The following SLIT3 variants were observed in gnomAD, a reference collection of about 807,000 sequenced individuals.
SLIT3 encodes slit homolog 3 protein.
SLIT3 carries 68 observed loss-of-function variants against 184.0 expected under a neutral mutation model. The observed-to-expected ratio is 0.37, with a 90% CI of 0.30 to 0.45. The LOEUF (loss-of-function observed/expected upper bound fraction) is 0.45. SLIT3 is among the 20% of genes least tolerant of loss of function. The probability of loss-of-function intolerance (pLI) is 1.00; values close to 1 mark genes in which losing one functional copy is unlikely to be tolerated. For synonymous variants in SLIT3, 831 were observed against 828.6 expected (o/e 1.00, Z -0.05); for missense variants, 1,707 against 2,026.0 (o/e 0.84, Z 3.02).
chr5:169,009,376 G>A (rs931068344), intron 4 of SLIT3, among the ~76,000 whole-genome samples: 2 of 152,192 alleles, frequency 1.3e-5, no homozygotes, highest in East Asian at 3.9e-4. Context: ...AGTGAGAAAT[G>A]ATGCCAAATG....
At chr5:169,056,357 CCA>C (rs1206104213) in intron 4 of SLIT3, among the ~76,000 whole-genome samples, 1 of 152,122 alleles carries the variant, frequency 6.6e-6, no homozygotes. Flanking sequence ...AATTATTATG[CCA>C]GTTTTTGTTC....
At chr5:169,217,153 CTT>C (rs1764466396) in intron 3 of SLIT3, among the ~76,000 whole-genome samples, 1 of 134,246 alleles carries the variant, frequency 7.4e-6, no homozygotes, top group Non-Finnish European at 1.6e-5. Context: ...AAAAAAAAAA[CTT>C]AGACTTTCTA....
At chr5:168,975,462 C>A (rs113696091) in intron 4 of SLIT3, among the ~76,000 whole-genome samples, 2 of 152,032 alleles carry the variant, frequency 1.3e-5, no homozygotes, top group African/African-American at 4.8e-5. Flanking sequence ...GACACCCCCC[C>A]ACACACACAG....
At chr5:169,230,314 C>CT (rs112182298) in intron 3 of SLIT3, among the ~76,000 whole-genome samples, 12,901 of 152,156 alleles carry the variant, frequency 0.085, 656 homozygotes, top group South Asian at 0.12. Flanking sequence ...CAGGTTTATC[C>CT]TAACTCTAAA....
chr5:168,826,624 G>A (rs1264559165), intron 6 of SLIT3, among the ~76,000 whole-genome samples: 2 of 152,164 alleles, frequency 1.3e-5, no homozygotes, highest in Admixed American at 6.5e-5. Flanking sequence ...TTCCTCCTTT[G>A]TAACATGGAG....
At chr5:169,117,078 G>GC (rs1278791056) in intron 4 of SLIT3, among the ~76,000 whole-genome samples, 1 of 152,200 alleles carries the variant, frequency 6.6e-6, no homozygotes, top group Non-Finnish European at 1.5e-5. Flanking sequence ...GTCAGAGGCT[G>GC]CCCCAAGTCT....
intron 1 of SLIT3, among the ~76,000 whole-genome samples, chr5:169,259,302 A>T (rs1766082691): frequency 6.6e-6 from 1 of 152,160 alleles, no homozygotes; most frequent in African/African-American, 2.4e-5. Context: ...CAGGTGATCC[A>T]ACCGCCTCAG....
At chr5:168,948,057 G>A (rs1762540750) in intron 4 of SLIT3, among the ~76,000 whole-genome samples, 1 of 152,130 alleles carries the variant, frequency 6.6e-6, no homozygotes, top group Admixed American at 6.5e-5. Flanking sequence ...CTCCCAAAGT[G>A]CTGGGATTAC....
intron 4 of SLIT3, among the ~76,000 whole-genome samples, chr5:169,035,649 A>G (rs1305411833): frequency 7.7e-5 from 8 of 103,782 alleles, no homozygotes; most frequent in Admixed American, 1.1e-4. Context: ...TGCATCTGGA[A>G]AAAAAAAAAA....
At chr5:169,187,555 C>CT (rs796812191) in intron 4 of SLIT3, among the ~76,000 whole-genome samples, 10,496 of 88,028 alleles carry the variant, frequency 0.12, 654 homozygotes, top group East Asian at 0.35. Context: ...TTCTTTCTTT[C>CT]TTTCTTTTTT....
intron 5 of SLIT3, among the ~76,000 whole-genome samples, chr5:168,853,395 G>A (rs1758743197): frequency 6.6e-6 from 1 of 152,108 alleles, no homozygotes; most frequent in African/African-American, 2.4e-5. Context: ...ATCAAGTAAT[G>A]TACCACCTAA....
chr5:168,735,307 A>G (rs1259959676), intron 20 of SLIT3, among the ~76,000 whole-genome samples: 1 of 152,052 alleles, frequency 6.6e-6, no homozygotes, highest in Non-Finnish European at 1.5e-5. Flanking sequence ...CCCACAAAGA[A>G]CTCAAACCAG....
intron 4 of SLIT3, among the ~76,000 whole-genome samples, chr5:169,073,991 C>A (rs763060800): frequency 6.6e-6 from 1 of 152,154 alleles, no homozygotes; most frequent in Non-Finnish European, 1.5e-5. Flanking sequence ...TTTTATCAAT[C>A]AGACAGAATA....
In SLIT3 at chr5:168,700,587, C is replaced by T. The variant is rs913814422; in HGVS notation, c.2937G>A (p.Gly979=). ...GGCCAGGGGTGAACTGTTACCTGAA[C>T]CCATCCTTGTGGCTGTCACTCAGGT... ...TCHLSDSHKD[G]FSCSCPLGFE... Residue 979 remains glycine (G), a synonymous_variant, in exon 27 of 36, where the codon GGG becomes GGA. Coordinates refer to ENST00000519560, the MANE Select transcript of SLIT3 (RefSeq NM_003062.4). The T allele has an allele frequency of 6.2e-7, 1 of 1,613,106 alleles. No individual in the cohort carries two copies. Among genetic ancestry groups the T allele is most frequent in the Non-Finnish European group, 8.5e-7 (1 of 1,179,086 alleles).
At chr5:168,967,326 TTTC>T (rs1461813975) in intron 4 of SLIT3, among the ~76,000 whole-genome samples, 2 of 151,908 alleles carry the variant, frequency 1.3e-5, no homozygotes, top group Non-Finnish European at 2.9e-5. Context: ...TTAAATTATT[TTTC>T]TTTTTTGGCT....
chr5:169,164,799 C>A (rs1762583150), intron 4 of SLIT3, among the ~76,000 whole-genome samples: 1 of 152,264 alleles, frequency 6.6e-6, no homozygotes, highest in Admixed American at 6.5e-5. Context: ...TGCAAGCCAA[C>A]AACACGCCCT....
intron 4 of SLIT3, among the ~76,000 whole-genome samples, chr5:169,011,070 C>T (rs999876160): frequency 2.6e-5 from 4 of 152,166 alleles, no homozygotes; most frequent in African/African-American, 9.7e-5. Flanking sequence ...GCTAAGCCCA[C>T]TGAAGACTCT....
At chr5:168,853,501 A>G (rs1034397535) in intron 5 of SLIT3, among the ~76,000 whole-genome samples, 3 of 152,242 alleles carry the variant, frequency 2.0e-5, no homozygotes, top group South Asian at 2.1e-4. Flanking sequence ...TGTGGCTCAC[A>G]TGATAAATTG....
intron 4 of SLIT3, among the ~76,000 whole-genome samples, chr5:168,978,820 A>C (rs1754852087): frequency 6.6e-6 from 1 of 151,868 alleles, no homozygotes; most frequent in Non-Finnish European, 1.5e-5. Flanking sequence ...CTGTCTTCCG[A>C]AATTGCTGGT....
Sources: allele counts gnomAD v4.1 joint callset (sites outside exome capture counted in the v4.1 genomes callset), GRCh38; gene constraint gnomAD v4.1.1; transcripts MANE v1.5; gene names NCBI Gene and HGNC (gene_info 2026-07-23, HGNC 2026-07-21).